Variants in CNTN1 observed in about 807,000 individuals in gnomAD.
CNTN1 encodes the protein contactin-1.
A neutral mutation model predicts 126.4 loss-of-function variants in CNTN1; 38 were observed. The observed-to-expected ratio is 0.30, with a 90% confidence interval of 0.23 to 0.39. CNTN1 has a LOEUF of 0.39. CNTN1 is among the 10% of genes least tolerant of loss of function. The pLI is 1.00. For missense variants in CNTN1, 1,009 were observed against 1,248.4 expected (o/e 0.81, Z 2.89); for synonymous variants, 413 against 422.6 (o/e 0.98, Z 0.28).
At chr12:40,921,931 T>C (rs1479272259) in intron 4 of CNTN1, among the ~76,000 whole-genome samples, 1 of 152,202 alleles carries the variant, frequency 6.6e-6, no homozygotes, top group African/African-American at 2.4e-5. Flanking sequence ...ATCTAACTGG[T>C]GCATAGATGG....
chr12:40,887,247 G>T (rs1179479929), intron 1 of CNTN1, among the ~76,000 whole-genome samples: 1 of 151,944 alleles, frequency 6.6e-6, no homozygotes, highest in Non-Finnish European at 1.5e-5. Context: ...ATTTCATTGA[G>T]CAGTGGTTTG....
intron 15 of CNTN1, among the ~76,000 whole-genome samples, chr12:40,969,780 G>A (rs1275444049): frequency 6.6e-6 from 1 of 152,214 alleles, no homozygotes; most frequent in Non-Finnish European, 1.5e-5. Flanking sequence ...ATGCAAGTGA[G>A]TGAGAGTTAG....
chr12:40,742,047 C>T (rs973512534), intron 1 of CNTN1, among the ~76,000 whole-genome samples: 1 of 151,926 alleles, frequency 6.6e-6, no homozygotes, highest in Non-Finnish European at 1.5e-5. Flanking sequence ...AGACAAAACT[C>T]CTTCTATTTA....
At chr12:40,982,309 C>T (rs199943845) in intron 16 of CNTN1, among the ~76,000 whole-genome samples, 3 of 152,026 alleles carry the variant, frequency 2.0e-5, no homozygotes, top group African/African-American at 7.2e-5. Context: ...CTTTTAGATA[C>T]TTTATAAACC....
chr12:40,982,916 G>A (rs982274527), intron 16 of CNTN1, among the ~76,000 whole-genome samples: 1 of 143,590 alleles, frequency 7.0e-6, no homozygotes, highest in Non-Finnish European at 1.5e-5. Flanking sequence ...CACAGGGTGG[G>A]GAACATCACA....
intron 1 of CNTN1, among the ~76,000 whole-genome samples, chr12:40,857,638 C>T (rs1942959642): frequency 6.6e-6 from 1 of 152,108 alleles, no homozygotes; most frequent in Non-Finnish European, 1.5e-5. Context: ...ACCTTGATGC[C>T]TTCCAGCAAA....
chr12:40,771,615 T>C (rs997981216), intron 1 of CNTN1, among the ~76,000 whole-genome samples: 1 of 151,972 alleles, frequency 6.6e-6, no homozygotes, highest in Non-Finnish European at 1.5e-5. Context: ...GGGAAAGATA[T>C]GTATTGCTGC....
At chr12:40,956,608 A>G (rs1285936400) in intron 14 of CNTN1, among the ~76,000 whole-genome samples, 1 of 152,060 alleles carries the variant, frequency 6.6e-6, no homozygotes, top group African/African-American at 2.4e-5. Context: ...AGAACAAGAT[A>G]CATTTGTGGT....
chr12:40,812,981 CTTCCTTCCTTCCATCCTTT>C (rs1012537568), intron 1 of CNTN1, among the ~76,000 whole-genome samples: 2 of 140,350 alleles, frequency 1.4e-5, no homozygotes, highest in Non-Finnish European at 3.1e-5. Context: ...AAATCAATTC[CTTCCTTCCTTCCATCCTTT>C]TTCCTTCCTT....
intron 1 of CNTN1, among the ~76,000 whole-genome samples, chr12:40,875,501 G>A (rs955125105): frequency 3.9e-4 from 59 of 151,894 alleles, no homozygotes; most frequent in African/African-American, 1.4e-3. Context: ...CTATATAAAT[G>A]GAAAGTCAAT....
chr12:40,719,663 T>G lies in CNTN1; in HGVS notation c.-77+27071T>G, dbSNP rs982839324. On this transcript the variant is annotated intron_variant, in intron 1 of 23. Transcript: ENST00000551295. ...ATATCATCCTTATTTGCTTAGTATATTCTTGCATGGTTCAAATGAAATACA... is the reference window on the plus strand; with the variant it reads ...ATATCATCCTTATTTGCTTAGTATAGTCTTGCATGGTTCAAATGAAATACA... 7.2e-5 allele frequency among the ~76,000 whole-genome samples: 11 copies of G among 152,250 alleles called. No individual in the cohort carries two copies. The East Asian group carries it at 2.1e-3, about 29-fold the overall frequency.
Position 41,016,922 on chromosome 12 carries a change from T to G in CNTN1, c.2419+6T>G. 4 of 1,606,042 alleles carry G rather than the reference T, an allele frequency of 2.5e-6. No homozygotes were observed. The highest frequency in any genetic ancestry group is 3.4e-6 in the Non-Finnish European group (4 of 1,172,628). On this transcript the variant is annotated splice_donor_region_variant and intron_variant, in intron 19 of 23. Coordinates refer to ENST00000551295, the MANE Select transcript of CNTN1 (RefSeq NM_001843.4). ...CATTAATTCAGCACAAGACGGTAGG[T>G]GAAAGAAAGACCTTCTTACCTGAGG...
Position 40,794,689 on chromosome 12 carries a change from A to G in CNTN1, c.-77+102097A>G, listed in dbSNP as rs576518605. Among the ~76,000 whole-genome samples, 87 of 152,190 alleles carry G rather than the reference A, an allele frequency of 5.7e-4. 2 individuals carry two copies. The South Asian group carries it at 0.016, about 29-fold the overall frequency. Reference sequence around the variant, plus strand: ...AGAGGTTTACAGCACAGAGAGATGGAGAAAAGTTACTATAATTCTGAAAAA... The same window carrying G: ...AGAGGTTTACAGCACAGAGAGATGGGGAAAAGTTACTATAATTCTGAAAAA... On this transcript the variant is annotated intron_variant, in intron 1 of 23. Coordinates refer to ENST00000551295, the MANE Select transcript of CNTN1 (RefSeq NM_001843.4).
intron 1 of CNTN1, among the ~76,000 whole-genome samples, chr12:40,795,493 T>G (rs1181974527): frequency 6.6e-6 from 1 of 151,806 alleles, no homozygotes; most frequent in Non-Finnish European, 1.5e-5. Flanking sequence ...AATACATATA[T>G]TCAAAATAGA....
chr12:40,829,315 CACAT>C (rs1395373968), intron 1 of CNTN1, among the ~76,000 whole-genome samples: 2 of 151,716 alleles, frequency 1.3e-5, no homozygotes, highest in Non-Finnish European at 2.9e-5. Context: ...TATATGCACA[CACAT>C]ACATATATAC....
chr12:41,028,945 T>G, intron 22 of CNTN1, 118 bp from the exon 23 acceptor site: 1 of 1,008,618 alleles, frequency 9.9e-7, no homozygotes, highest in Non-Finnish European at 1.5e-6. Context: ...TTCCTCTTGT[T>G]TTAAATTTAT....
intron 1 of CNTN1, among the ~76,000 whole-genome samples, chr12:40,761,504 G>A (rs1407223278): frequency 6.6e-6 from 1 of 151,954 alleles, no homozygotes; most frequent in African/African-American, 2.4e-5. Flanking sequence ...TCTCAGTTTG[G>A]TTGTGGACAT....
rs1379691528 is a variant in CNTN1 at position 40,936,898 on chromosome 12, G to C, written c.1103G>C (p.Gly368Ala). 1 of 1,612,980 alleles carries C rather than the reference G, an allele frequency of 6.2e-7. No individual in the cohort carries two copies. Among genetic ancestry groups the C allele is most frequent in the Non-Finnish European group, 8.5e-7 (1 of 1,179,194 alleles). Residue 368 changes from glycine (G) to alanine (A), a missense_variant, in exon 10 of 24, where the codon GGA (glycine) becomes GCA (alanine). Transcript: ENST00000551295. ...CCTACAATCCGATGGTTGAAAAATG[G>C]ATATGCGGTATGTATGTTCAAGTGC... ...PIPTIRWLKNGYAYHKGELRL... is the reference protein window; with the variant it reads ...PIPTIRWLKNAYAYHKGELRL...
intron 15 of CNTN1, among the ~76,000 whole-genome samples, chr12:40,965,998 C>G (rs551787270): frequency 2.3e-4 from 31 of 136,200 alleles, no homozygotes; most frequent in African/African-American, 8.6e-4. Context: ...CCTCATCACA[C>G]CACACACACA....
Sources: allele counts gnomAD v4.1 joint callset (sites outside exome capture counted in the v4.1 genomes callset), GRCh38; gene constraint gnomAD v4.1.1; transcripts MANE v1.5; gene names NCBI Gene and HGNC (gene_info 2026-07-23, HGNC 2026-07-21).